Variants in DNMBP observed in about 807,000 individuals in gnomAD.
DNMBP encodes the protein dynamin-binding protein.
A neutral mutation model predicts 150.0 loss-of-function variants in DNMBP; 87 were observed. That is an observed-to-expected ratio of 0.58 (90% CI 0.49 to 0.69). DNMBP has a LOEUF of 0.69. DNMBP is among the 30% of genes least tolerant of loss of function. The pLI is 0.00. For synonymous variants in DNMBP, 711 were observed against 750.4 expected (o/e 0.95, Z 0.86); for missense variants, 1,774 against 1,949.0 (o/e 0.91, Z 1.69).
chr10:99,959,128 T>C (rs183183097), intron 3 of DNMBP, among the ~76,000 whole-genome samples: 1 of 152,322 alleles, frequency 6.6e-6, no homozygotes, highest in East Asian at 1.9e-4. Flanking sequence ...TTTACGAACA[T>C]GTAAAGCAAT....
intron 11 of DNMBP, 113 bp from the exon 12 acceptor site, chr10:99,889,066 T>C (rs2039518008): frequency 8.0e-7 from 1 of 1,254,950 alleles, no homozygotes; most frequent in African/African-American, 1.5e-5. Context: ...AATTTGAAAT[T>C]TTCTAACTAG....
At chr10:99,925,077 T>TTCTC (rs1457711744) in intron 4 of DNMBP, among the ~76,000 whole-genome samples, 5 of 152,326 alleles carry the variant, frequency 3.3e-5, no homozygotes, top group Non-Finnish European at 7.4e-5. Flanking sequence ...ACCTCTGCTG[T>TTCTC]CTATAATATA....
intron 4 of DNMBP, among the ~76,000 whole-genome samples, chr10:99,922,406 C>T (rs1173664722): frequency 6.6e-6 from 1 of 151,440 alleles, no homozygotes; most frequent in Non-Finnish European, 1.5e-5. Context: ...GGCCTGGGGT[C>T]TCCCCAGACC....
chr10:99,994,529 T>G (rs367991421), intron 1 of DNMBP, among the ~76,000 whole-genome samples: 19 of 152,144 alleles, frequency 1.2e-4, no homozygotes, highest in African/African-American at 4.6e-4. Context: ...GGGAGTCATG[T>G]GACTCTGTGG....
At chr10:99,908,820 A>G (rs906134515) in intron 5 of DNMBP, 133 bp downstream of exon 5, 37 of 816,336 alleles carry the variant, frequency 4.5e-5, no homozygotes, top group Non-Finnish European at 6.3e-5. Context: ...CCCTTGATTA[A>G]GAGCAGCAGC....
At chr10:99,897,658 C>T (rs746168016) in intron 9 of DNMBP, among the ~76,000 whole-genome samples, 42 of 152,082 alleles carry the variant, frequency 2.8e-4, no homozygotes, top group Admixed American at 9.2e-4. Flanking sequence ...CATTTTGGGC[C>T]GGGTGCAGTG....
rs534592398 is a variant in DNMBP at position 99,911,028 on chromosome 10, T to C, written c.2261-1882A>G. 2.9e-3 allele frequency among the ~76,000 whole-genome samples: 440 copies of C among 152,004 alleles called. 4 individuals are homozygous for C. The highest frequency in any genetic ancestry group is 0.015 in the South Asian group (71 of 4,798). On this transcript the variant is annotated intron_variant, in intron 4 of 16. Coordinates refer to ENST00000324109, the MANE Select transcript of DNMBP (RefSeq NM_015221.4). ...GCCGAGGTGGGTAGATCACTTGAGC[T>C]TGGAGTTCAAGACCAGCCTGGGCAA...
Position 99,898,152 on chromosome 10 carries a change from T to A in DNMBP, c.2854A>T (p.Asn952Tyr). 4 of 1,614,162 alleles carry A rather than the reference T, an allele frequency of 2.5e-6. No individual in the cohort carries two copies. The highest frequency in any genetic ancestry group is 3.4e-6 in the Non-Finnish European group (4 of 1,180,028). ...ATTTCCTTGACCGCAAGGACTGCATTGGTTAAAGGCACTTTATCTGGGTGG... is the reference window on the plus strand; with the variant it reads ...ATTTCCTTGACCGCAAGGACTGCATAGGTTAAAGGCACTTTATCTGGGTGG... ...ESHPDKVPLT[N>Y]AVLAVKEINV... Residue 952 changes from asparagine to tyrosine, a missense_variant, in exon 9 of 17, where the codon AAT becomes TAT. Physicochemically the swap from Asn to Tyr is moderately radical, Grantham distance 143 (BLOSUM62 -2). This residue lies in a region of DNMBP where 1,430 missense variants were observed against 1,492.5 expected (regional missense o/e 0.96). Coordinates refer to ENST00000324109, the MANE Select transcript of DNMBP (RefSeq NM_015221.4).
intron 2 of DNMBP, among the ~76,000 whole-genome samples, chr10:99,970,035 C>G (rs2040658716): frequency 6.6e-6 from 1 of 152,186 alleles, no homozygotes; most frequent in Admixed American, 6.5e-5. Context: ...GCTCATCTCT[C>G]CAGCCCACCT....
chr10:99,894,835 G>A (rs1328966130), intron 11 of DNMBP, 111 bp downstream of exon 11: 1 of 767,706 alleles, frequency 1.3e-6, no homozygotes, highest in African/African-American at 1.8e-5. Context: ...GGGCATAATA[G>A]TAATTTGAGT....
At position 99,994,474 on chromosome 10, in the gene DNMBP, C is replaced by T. The variant is rs910326766; in HGVS notation, c.-11+15364G>A. On this transcript the variant is annotated intron_variant, in intron 1 of 16. Transcript: ENST00000324109. ...TAGGGATGAGACAGCAGGCTCTAGGCGGGGCCAACTTCTCAAAACTGCTGC... is the reference window on the plus strand; with the variant it reads ...TAGGGATGAGACAGCAGGCTCTAGGTGGGGCCAACTTCTCAAAACTGCTGC... 2.6e-5 allele frequency among the ~76,000 whole-genome samples: 4 copies of T among 152,024 alleles called. No individual in the cohort carries two copies. The East Asian group carries it at 7.7e-4, about 29-fold the overall frequency.
chr10:99,994,042 A>C (rs61871667), intron 1 of DNMBP, among the ~76,000 whole-genome samples: 4,172 of 152,248 alleles, frequency 0.027, 75 homozygotes, highest in South Asian at 0.087. Flanking sequence ...GTGAACTTTC[A>C]CTGGGTGGAT....
At chr10:99,905,764 C>A (rs77712226) in intron 6 of DNMBP, among the ~76,000 whole-genome samples, 1 of 152,050 alleles carries the variant, frequency 6.6e-6, no homozygotes, top group Non-Finnish European at 1.5e-5. Flanking sequence ...TGAGGCCAGG[C>A]ATCCAAGACT....
intron 1 of DNMBP, among the ~76,000 whole-genome samples, chr10:100,008,465 T>C (rs1391973124): frequency 1.3e-5 from 2 of 152,200 alleles, no homozygotes; most frequent in East Asian, 3.8e-4. Context: ...GCCTCTGAAT[T>C]TAAGTGAATT....
At chr10:99,899,873 G>A (rs1426602836) in intron 7 of DNMBP, 46 bp downstream of exon 7, 4 of 1,607,570 alleles carry the variant, frequency 2.5e-6, no homozygotes, top group Non-Finnish European at 3.4e-6. Context: ...GTATAACTTA[G>A]AGAACTAAAG....
chr10:99,975,313 C>T (rs1324672631), intron 1 of DNMBP, among the ~76,000 whole-genome samples: 1 of 151,650 alleles, frequency 6.6e-6, no homozygotes. Flanking sequence ...GAGCCAAAAT[C>T]GCACCATTGC....
chr10:99,924,233 C>T (rs987272974), intron 4 of DNMBP, among the ~76,000 whole-genome samples: 7 of 142,624 alleles, frequency 4.9e-5, no homozygotes, highest in South Asian at 2.3e-4. Context: ...GTCAGGAGAT[C>T]GAGACCATCC....
Position 99,957,026 on chromosome 10 carries a change from C to T in DNMBP, c.448G>A (p.Ala150Thr), listed in dbSNP as rs1422614295. 2 of 1,614,206 alleles carry T rather than the reference C, an allele frequency of 1.2e-6. No homozygotes were observed. The highest frequency in any genetic ancestry group is 1.7e-6 in the Non-Finnish European group (2 of 1,180,040). Residue 150 changes from alanine to threonine, a missense_variant, in exon 4 of 17, where the codon GCC becomes ACC. Ala to Thr is a moderately conservative substitution (Grantham distance 58). Around this residue, in one of 2 missense-constraint regions of DNMBP, gnomAD observed 344 missense variants for 456.6 expected, o/e 0.75. Coordinates refer to ENST00000324109, the MANE Select transcript of DNMBP (RefSeq NM_015221.4). The stretch of plus-strand genomic sequence containing the variant: ...GCAGAAAGCCCCATTAGGGCCCGGG[C>T]TTGTCCCATGGAATATTCCGGAATC... ...FQIPEYSMGQ[A>T]RALMGLSAQL... is the part of the protein sequence containing the mutation.
chr10:99,887,166 GCAGCCT>G, intron 12 of DNMBP, among the ~76,000 whole-genome samples: 1 of 150,944 alleles, frequency 6.6e-6, no homozygotes, highest in East Asian at 2.0e-4. Context: ...TCAGCTCACT[GCAGCCT>G]CAGCCTCCCA....
Sources: allele counts gnomAD v4.1 joint callset (sites outside exome capture counted in the v4.1 genomes callset), GRCh38; gene constraint gnomAD v4.1.1; regional missense constraint gnomAD v4.1.1; transcripts MANE v1.5; gene names NCBI Gene and HGNC (gene_info 2026-07-23, HGNC 2026-07-21).